Variants in TENM2 observed in about 807,000 individuals in gnomAD.
TENM2 encodes teneurin-2.
In TENM2, 52 loss-of-function variants were observed where a neutral mutation model predicts 245.2. The observed-to-expected ratio is 0.21, with a 90% CI of 0.17 to 0.27. TENM2 has a LOEUF of 0.27. Among genes scored for constraint, TENM2 ranks in the 10% least tolerant of loss-of-function variants. TENM2 has a pLI of 1.00. For missense variants in TENM2, 3,046 were observed against 3,666.8 expected, an observed-to-expected ratio of 0.83 and a Z score of 4.37; for synonymous variants, 1,363 against 1,438.9, an observed-to-expected ratio of 0.95 and a Z score of 1.19.
chr5:167,204,210 C>T, the TENM2 span, among the ~76,000 whole-genome samples: 1 of 149,996 alleles, frequency 6.7e-6, no homozygotes, highest in Non-Finnish European at 1.5e-5. Context: ...GGGGTAATGG[C>T]CTGAAACTAA....
chr5:167,988,867 G>A (rs1189965897), intron 4 of TENM2, among the ~76,000 whole-genome samples: 1 of 152,110 alleles, frequency 6.6e-6, no homozygotes, highest in Non-Finnish European at 1.5e-5. Flanking sequence ...ATTGTCAAGG[G>A]AACATTTTTA....
At chr5:167,558,477 G>A (rs1199017323) in intron 2 of TENM2, among the ~76,000 whole-genome samples, 2 of 152,208 alleles carry the variant, frequency 1.3e-5, no homozygotes, top group Non-Finnish European at 2.9e-5. Context: ...CGGCTGCATG[G>A]CAGGAGTGGC....
At chr5:167,253,537 G>A in the TENM2 span, among the ~76,000 whole-genome samples, 16 of 151,980 alleles carry the variant, frequency 1.1e-4, no homozygotes, top group African/African-American at 4.8e-5. Context: ...AAATCTTACC[G>A]ACTCCAAAAC....
intron 6 of TENM2, among the ~76,000 whole-genome samples, chr5:168,054,199 C>T (rs1789348500): frequency 1.3e-5 from 2 of 152,108 alleles, no homozygotes; most frequent in African/African-American, 4.8e-5. Context: ...TTCTAAAAGT[C>T]ATTATTGTGT....
intron 5 of TENM2, among the ~76,000 whole-genome samples, chr5:167,999,564 C>T (rs570779730): frequency 6.6e-6 from 1 of 152,316 alleles, no homozygotes; most frequent in Admixed American, 6.5e-5. Context: ...CATCACCTAG[C>T]GGCCATGTGG....
At chr5:167,564,918 A>G (rs1026429557) in intron 2 of TENM2, among the ~76,000 whole-genome samples, 1 of 152,254 alleles carries the variant, frequency 6.6e-6, no homozygotes, top group Non-Finnish European at 1.5e-5. Context: ...AGTCTGGCCA[A>G]TCCCAGAGTC....
chr5:168,168,642 A>G (rs1055071764), intron 13 of TENM2, among the ~76,000 whole-genome samples: 2 of 148,572 alleles, frequency 1.3e-5, no homozygotes, highest in Non-Finnish European at 1.5e-5. Flanking sequence ...TGATTGTGCT[A>G]TTACACTCCA....
the TENM2 span, among the ~76,000 whole-genome samples, chr5:167,248,517 C>T: frequency 3.0e-4 from 45 of 152,026 alleles, no homozygotes; most frequent in African/African-American, 1.0e-3. Context: ...TCCGTGCTGC[C>T]GATACTTGGA....
intron 1 of TENM2, among the ~76,000 whole-genome samples, chr5:167,309,481 C>A (rs964229876): frequency 6.6e-6 from 1 of 152,126 alleles, no homozygotes; most frequent in African/African-American, 2.4e-5. Flanking sequence ...ATAGAATAGA[C>A]GCAATCTCTC....
intron 2 of TENM2, among the ~76,000 whole-genome samples, chr5:167,640,953 C>A (rs1779572887): frequency 7.5e-6 from 1 of 133,886 alleles, no homozygotes; most frequent in Non-Finnish European, 1.6e-5. Flanking sequence ...CTCACATCAG[C>A]ATATCACCAC....
intron 2 of TENM2, among the ~76,000 whole-genome samples, chr5:167,720,158 C>G (rs992367355): frequency 1.3e-5 from 2 of 151,284 alleles, no homozygotes; most frequent in African/African-American, 2.4e-5. Context: ...TACAAGTGTT[C>G]CACAAAACAC....
intron 3 of TENM2, among the ~76,000 whole-genome samples, chr5:167,938,340 C>T (rs1043311326): frequency 3.3e-5 from 5 of 152,116 alleles, no homozygotes; most frequent in African/African-American, 1.2e-4. Context: ...AGGGGAAAGG[C>T]GTTGATGTAG....
At chr5:167,435,808 G>C (rs1417656044) in intron 2 of TENM2, among the ~76,000 whole-genome samples, 1 of 152,120 alleles carries the variant, frequency 6.6e-6, no homozygotes, top group African/African-American at 2.4e-5. Context: ...GGTGGTCTCA[G>C]ATGGGGATGA....
At position 168,084,362 on chromosome 5, in the gene TENM2, C is replaced by T. The variant is rs892841522; in HGVS notation, c.1516-6212C>T. ...GTTTTCCACAGTGGCTGAATTAATT[C>T]ACATTCCCATCAACAGTGTGTAAGT... is the stretch of plus-strand genomic sequence containing the variant. On this transcript the variant is annotated intron_variant, in intron 7 of 28. Coordinates refer to ENST00000518659, the Ensembl canonical transcript of TENM2. Among the ~76,000 whole-genome samples the T allele has an allele frequency of 3.3e-5, 5 of 152,324 alleles. No individual in the cohort carries two copies. The East Asian group carries it at 9.7e-4, about 29-fold the overall frequency.
chr5:167,668,567 T>G (rs1755723128), intron 2 of TENM2, among the ~76,000 whole-genome samples: 1 of 152,166 alleles, frequency 6.6e-6, no homozygotes, highest in East Asian at 1.9e-4. Flanking sequence ...CAGATACCAG[T>G]GCAGCATAAG....
intron 7 of TENM2, among the ~76,000 whole-genome samples, chr5:168,068,408 C>T (rs1488047852): frequency 6.6e-6 from 1 of 152,118 alleles, no homozygotes; most frequent in Admixed American, 6.6e-5. Flanking sequence ...CCTTTATCCT[C>T]AAGTGAAATC....
chr5:167,957,794 T>G (rs1780678996), intron 4 of TENM2, among the ~76,000 whole-genome samples: 1 of 152,230 alleles, frequency 6.6e-6, no homozygotes, highest in Non-Finnish European at 1.5e-5. Flanking sequence ...TTGAGTGAGT[T>G]TCTTAATCCT....
At chr5:167,018,374 G>C in the TENM2 span, among the ~76,000 whole-genome samples, 1 of 148,180 alleles carries the variant, frequency 6.7e-6, no homozygotes, top group African/African-American at 2.5e-5. Flanking sequence ...CATCTTCCCT[G>C]TTTCTTTTTT....
chr5:167,151,290 A>G, the TENM2 span, among the ~76,000 whole-genome samples: 1 of 152,138 alleles, frequency 6.6e-6, no homozygotes, highest in African/African-American at 2.4e-5. Context: ...GAACATGCCA[A>G]CATTTAGCAA....
Sources: gnomAD v4.1 joint callset for allele counts (sites outside exome capture counted in the v4.1 genomes callset) on GRCh38, gnomAD v4.1.1 for gene constraint, MANE v1.5 for transcripts, NCBI Gene and HGNC (gene_info 2026-07-23, HGNC 2026-07-21) for gene names.